The following ARHGAP6 variants were observed in gnomAD, a reference collection of about 807,000 sequenced individuals.
ARHGAP6 encodes the protein Rho GTPase activating protein 6.
A neutral mutation model predicts 55.7 loss-of-function variants in ARHGAP6; 16 were observed. That is an observed-to-expected ratio of 0.29 (90% CI 0.19 to 0.44). The LOEUF (loss-of-function observed/expected upper bound fraction) is 0.44. Among genes scored for constraint, ARHGAP6 ranks in the 20% least tolerant of loss-of-function variants. ARHGAP6 has a pLI of 1.00. For missense variants in ARHGAP6, 698 were observed against 808.9 expected (o/e 0.86, Z 1.66); for synonymous variants, 382 against 360.9 (o/e 1.06, Z -0.66).
At position 11,648,047 on chromosome X, in the gene ARHGAP6, T is replaced by C. The variant is rs1209270518; in HGVS notation, c.588+16194A>G. On this transcript the variant is annotated intron_variant, in intron 1 of 12. Transcript: ENST00000337414. ...AAGTTCTATATTTCAGTTAAAAGTATTTCAAAGTTACAGTTAGACAGGAAA... is the reference window on the plus strand; with the variant it reads ...AAGTTCTATATTTCAGTTAAAAGTACTTCAAAGTTACAGTTAGACAGGAAA... 7.1e-5 allele frequency among the ~76,000 whole-genome samples: 8 copies of C among 112,273 alleles called. No homozygotes were observed. The South Asian group carries it at 2.2e-3, about 31-fold the overall frequency.
intron 2 of ARHGAP6, among the ~76,000 whole-genome samples, chrX:11,203,702 A>G (rs1451089381): frequency 1.8e-5 from 2 of 111,815 alleles, no homozygotes; most frequent in African/African-American, 6.5e-5. Context: ...AAGAGAGTCT[A>G]CTGGCCCAAC....
At chrX:11,452,483 T>G (rs193234827) in intron 1 of ARHGAP6, among the ~76,000 whole-genome samples, 2 of 112,196 alleles carry the variant, frequency 1.8e-5, no homozygotes, top group East Asian at 5.6e-4. Flanking sequence ...ACAGTCCATG[T>G]AACAGTTTCA....
At chrX:11,265,641 A>G (rs56380412) in intron 1 of ARHGAP6, 27,048 of 800,904 alleles carry the variant, frequency 0.034, 345 homozygotes, top group Middle Eastern at 0.063. Flanking sequence ...TATCACAATT[A>G]TTTTCTGAAA....
At chrX:11,378,074 C>T (rs774671702) in intron 1 of ARHGAP6, among the ~76,000 whole-genome samples, 4 of 111,583 alleles carry the variant, frequency 3.6e-5, no homozygotes, top group Non-Finnish European at 7.5e-5. Flanking sequence ...CCCAATGGTT[C>T]GCTGCGTATA....
chrX:11,594,497 C>T (rs1420427692), intron 1 of ARHGAP6, among the ~76,000 whole-genome samples: 3 of 111,560 alleles, frequency 2.7e-5, no homozygotes, highest in African/African-American at 9.8e-5. Context: ...TGGTATGTGG[C>T]CTGTTAGGAA....
At chrX:11,464,316 C>A (rs1476612427) in intron 1 of ARHGAP6, among the ~76,000 whole-genome samples, 1 of 112,082 alleles carries the variant, frequency 8.9e-6, no homozygotes, top group Non-Finnish European at 1.9e-5. Flanking sequence ...TCTTGCTGAG[C>A]TTTTCTTGAT....
intron 11 of ARHGAP6, 83 bp downstream of exon 11, chrX:11,143,897 C>G: frequency 1.7e-6 from 2 of 1,204,910 alleles, no homozygotes; most frequent in Non-Finnish European, 2.2e-6. Flanking sequence ...AAGAGAAGGT[C>G]CGAAGAGCCC....
chrX:11,160,901 T>C (rs1008342580), intron 9 of ARHGAP6, among the ~76,000 whole-genome samples: 1 of 112,349 alleles, frequency 8.9e-6, no homozygotes, highest in African/African-American at 3.2e-5. Context: ...TAGTTTAAAA[T>C]TGTAGATCCA....
intron 1 of ARHGAP6, among the ~76,000 whole-genome samples, chrX:11,660,159 G>A (rs1429304186): frequency 9.0e-6 from 1 of 111,519 alleles, no homozygotes; most frequent in African/African-American, 3.3e-5. Flanking sequence ...AACTTCACTT[G>A]GGCAACACTC....
Position 11,139,490 on chromosome X carries a change from C to T in ARHGAP6, c.2298G>A (p.Ala766=). Residue 766 remains alanine, a synonymous_variant, in exon 13 of 13, where the codon GCG becomes GCA. Coordinates refer to ENST00000337414, the MANE Select transcript of ARHGAP6 (RefSeq NM_013427.3). ...TCCCTTGAGAAAGGGAGCAGGGCCC[C>T]GCTCTTAGGGAGCTGCTTTCAAAAA... ...GDIFESSSLR[A]GPCSLSQGNL... 2.6e-6 allele frequency: 3 copies of T among 1,156,077 alleles called. No individual in the cohort carries two copies. The highest frequency in any genetic ancestry group is 2.3e-6 in the Non-Finnish European group (2 of 871,672).
At chrX:11,515,362 T>G (rs1038587090) in intron 1 of ARHGAP6, among the ~76,000 whole-genome samples, 1 of 112,545 alleles carries the variant, frequency 8.9e-6, no homozygotes, top group African/African-American at 3.2e-5. Flanking sequence ...AGTTGCGTCC[T>G]GAAGCAATCA....
Position 11,269,677 on chromosome X carries a change from A to G in ARHGAP6, c.589-14970T>C, listed in dbSNP as rs780967042. Reference sequence around the variant, plus strand: ...CATTTTAGTTCATCTGCTGCCTTACAGTGCTCAGTGAAAATGTGGTACCAT... The same window carrying G: ...CATTTTAGTTCATCTGCTGCCTTACGGTGCTCAGTGAAAATGTGGTACCAT... On this transcript the variant is annotated intron_variant, in intron 1 of 12. Coordinates refer to ENST00000337414, the MANE Select transcript of ARHGAP6 (RefSeq NM_013427.3). Among the ~76,000 whole-genome samples the G allele has an allele frequency of 2.7e-5, 3 of 111,901 alleles. No individual in the cohort carries two copies. In the South Asian group the frequency reaches 1.1e-3, roughly 42 times the overall value.
intron 1 of ARHGAP6, among the ~76,000 whole-genome samples, chrX:11,401,987 C>T (rs949934383): frequency 9.0e-6 from 1 of 111,368 alleles, no homozygotes; most frequent in African/African-American, 3.3e-5. Context: ...AGACTTTGTC[C>T]CATCACTGTC....
At chrX:11,378,771 C>T (rs2049229811) in intron 1 of ARHGAP6, among the ~76,000 whole-genome samples, 1 of 112,427 alleles carries the variant, frequency 8.9e-6, no homozygotes, top group South Asian at 3.7e-4. Flanking sequence ...CACTTTCACA[C>T]AATACTATGA....
At chrX:11,633,373 G>A (rs1338138045) in intron 1 of ARHGAP6, among the ~76,000 whole-genome samples, 1 of 111,782 alleles carries the variant, frequency 8.9e-6, no homozygotes, top group African/African-American at 3.3e-5. Context: ...CTATGAGTAG[G>A]ATCTCTTTAA....
chrX:11,245,611 G>T (rs1351407575), intron 2 of ARHGAP6, among the ~76,000 whole-genome samples: 1 of 112,255 alleles, frequency 8.9e-6, no homozygotes, highest in Admixed American at 9.5e-5. Flanking sequence ...TTGAATAGTG[G>T]TTTATAACCT....
chrX:11,150,738 A>G (rs1306741701), intron 10 of ARHGAP6, among the ~76,000 whole-genome samples: 2 of 111,609 alleles, frequency 1.8e-5, no homozygotes, highest in Non-Finnish European at 3.8e-5. Context: ...GCAATGAACC[A>G]TGGTCGTGCC....
chrX:11,630,837 G>A (rs1435990435), intron 1 of ARHGAP6, among the ~76,000 whole-genome samples: 1 of 111,868 alleles, frequency 8.9e-6, no homozygotes, highest in African/African-American at 3.3e-5. Context: ...ATCCTGAAGC[G>A]ACCTTTGATT....
intron 1 of ARHGAP6, among the ~76,000 whole-genome samples, chrX:11,544,093 A>G (rs1214312605): frequency 1.8e-5 from 2 of 112,271 alleles, no homozygotes; most frequent in African/African-American, 6.5e-5. Context: ...CCTTTCTTAT[A>G]TCTAGGCTGG....
Sources: gnomAD v4.1 joint callset for allele counts (sites outside exome capture counted in the v4.1 genomes callset) on GRCh38, gnomAD v4.1.1 for gene constraint, MANE v1.5 for transcripts, NCBI Gene and HGNC (gene_info 2026-07-23, HGNC 2026-07-21) for gene names.